Variants in MYBPC3 observed in about 807,000 individuals in gnomAD.
The protein encoded by MYBPC3 is myosin binding protein C3, also known as myosin-binding protein C, cardiac-type.
Under a neutral mutation model 159.3 loss-of-function variants are expected in MYBPC3, and 108 were observed. The observed-to-expected ratio is 0.68, with a 90% CI of 0.58 to 0.80. The LOEUF (loss-of-function observed/expected upper bound fraction) is 0.80, where lower values mean the gene tolerates loss of function less well. Among genes scored for constraint, MYBPC3 ranks in the 30% least tolerant of loss-of-function variants. The pLI is 0.00. For synonymous variants in MYBPC3, 730 were observed against 702.0 expected (o/e 1.04, Z -0.63); for missense variants, 1,631 against 1,762.1 (o/e 0.93, Z 1.33).
chr11:47,343,450 C>A (rs1298113012), intron 13 of MYBPC3, 42 bp downstream of exon 13: 1 of 1,546,586 alleles, frequency 6.5e-7, no homozygotes, highest in Non-Finnish European at 8.7e-7. Context: ...CTATGGGGGT[C>A]CCCACCTCCA....
chr11:47,336,861 C>G (rs946889696), intron 25 of MYBPC3, among the ~76,000 whole-genome samples: 1 of 152,224 alleles, frequency 6.6e-6, no homozygotes, highest in Non-Finnish European at 1.5e-5. Context: ...GTTGGCCCCC[C>G]GGGGACCATG....
chr11:47,345,993 T>C (rs904801898), intron 12 of MYBPC3, among the ~76,000 whole-genome samples: 6 of 152,148 alleles, frequency 3.9e-5, no homozygotes, highest in Non-Finnish European at 8.8e-5. Context: ...TCTTGGCTTT[T>C]TCTACACAAG....
intron 2 of MYBPC3, among the ~76,000 whole-genome samples, chr11:47,350,915 A>T (rs1437863702): frequency 6.6e-6 from 1 of 151,302 alleles, no homozygotes; most frequent in Non-Finnish European, 1.5e-5. Flanking sequence ...ACTGGGCTGC[A>T]CTCCCCTCAT....
Position 47,333,543 on chromosome 11 carries a change from C to T in MYBPC3, c.3190+14G>A, listed in dbSNP as rs2095879353. The T allele has an allele frequency of 1.9e-6, 3 of 1,599,476 alleles. No homozygotes were observed. The highest frequency in any genetic ancestry group is 1.7e-5 in the Admixed American group (1 of 59,970). Reference sequence around the variant, plus strand: ...AGGGAAACAAGGGGGCTCAAGGAGGCCTTGGCCACGCACCAACAACCTGCA... The same window carrying T: ...AGGGAAACAAGGGGGCTCAAGGAGGTCTTGGCCACGCACCAACAACCTGCA... On this transcript the variant is annotated intron_variant, in intron 29 of 34. Transcript: ENST00000545968.
Position 47,343,663 on chromosome 11 carries a change from G to A in MYBPC3, c.1091-39C>T, listed in dbSNP as rs11570075. ...CTCAGCCCCGGCCACCCCACCGCCC[G>A]CACCCTGCTCCCCCAGGCCAAGCTA... is the stretch of plus-strand genomic sequence containing the variant. On this transcript the variant is annotated intron_variant, in intron 12 of 34. Coordinates refer to ENST00000545968, the MANE Select transcript of MYBPC3 (RefSeq NM_000256.3). The A allele has an allele frequency of 0.039, 54,659 of 1,412,834 alleles. 1,142 individuals carry two copies. The highest frequency in any genetic ancestry group is 0.045 in the Non-Finnish European group (48,645 of 1,075,812). 87.5% of individuals were successfully genotyped at this position (1,412,834 alleles called of 1,614,324 possible).
chr11:47,351,466 G>T lies in MYBPC3; in HGVS notation c.65C>A (p.Ala22Asp). Reference sequence around the variant, plus strand: ...CTCGAACACGGCAGGGCTGCCTGCGGCCACTTCCACTGACCGTGGCTTCTT... The same window carrying T: ...CTCGAACACGGCAGGGCTGCCTGCGTCCACTTCCACTGACCGTGGCTTCTT... ...FSKKPRSVEVAAGSPAVFEAE... is the reference protein window; with the variant it reads ...FSKKPRSVEVDAGSPAVFEAE... Residue 22 changes from alanine to aspartate, a missense_variant, in exon 2 of 35, where the codon GCC becomes GAC. Physicochemically the swap from Ala to Asp is moderately radical, Grantham distance 126. Transcript: ENST00000545968. The surrounding 1 kb of genome is among the most constrained non-coding windows in gnomAD (Gnocchi z 4.2). 1 of 1,597,908 alleles carries T rather than the reference G, an allele frequency of 6.3e-7. No individual in the cohort carries two copies.
rs1228101192 is a variant in MYBPC3 at position 47,332,797 on chromosome 11, G to A, written c.3490+17C>T. 18 of 1,598,706 alleles carry A rather than the reference G, an allele frequency of 1.1e-5. No homozygotes were observed. Among genetic ancestry groups the A allele is most frequent in the Non-Finnish European group, 1.5e-5 (18 of 1,172,108 alleles). On this transcript the variant is annotated intron_variant, in intron 31 of 34. Transcript: ENST00000545968. This position sits in a 1 kb window ranked among gnomAD's most constrained non-coding sequence, Gnocchi z 4.2. The stretch of plus-strand genomic sequence containing the variant: ...TCCCTGCCCCAGCCCCTGGTTGGAA[G>A]AATGAGGGTACAGCACCTGGTCTGG...
chr11:47,339,733 A>G lies in MYBPC3; in HGVS notation c.1985T>C (p.Val662Ala), dbSNP rs772970643. Residue 662 changes from valine to alanine, a missense_variant, in exon 21 of 35, where the codon GTA (valine) becomes GCA (alanine). Transcript: ENST00000545968. The stretch of plus-strand genomic sequence containing the variant: ...GTCCAGACGTAGCTTATTTCCAGCT[A>G]CAACCACAATGGTGTCTGGTATGCG... The part of the protein sequence containing the change: ...PGRIPDTIVV[V>A]AGNKLRLDVP... The G allele has an allele frequency of 3.1e-6, 5 of 1,613,822 alleles. No individual in the cohort carries two copies. The highest frequency in any genetic ancestry group is 4.2e-6 in the Non-Finnish European group (5 of 1,179,838).
intron 12 of MYBPC3, among the ~76,000 whole-genome samples, chr11:47,344,367 C>T (rs550082122): frequency 6.6e-4 from 100 of 152,318 alleles, no homozygotes; most frequent in African/African-American, 2.3e-3. Flanking sequence ...GCGGTGGTCC[C>T]CATGCTGCTG....
At position 47,342,890 on chromosome 11, in the gene MYBPC3, A is replaced by T. The variant is rs397515899; in HGVS notation, c.1397T>A (p.Met466Lys). 1.4e-5 allele frequency: 23 copies of T among 1,612,692 alleles called. No homozygotes were observed. The highest frequency in any genetic ancestry group is 1.9e-5 in the Non-Finnish European group (22 of 1,179,398). The change falls in exon 16 of 35, where the codon ATG becomes AAG. Residue 466 changes from methionine (M) to lysine (K), a missense_variant. Met to Lys is a moderately conservative substitution (Grantham distance 95). Transcript: ENST00000545968. ...ITRPLEDQLV[M>K]VGQRVEFECE... Reference sequence around the variant, plus strand: ...CTCAAACTCCACCCGCTGCCCCACCATCACCAGCTGGTCCTCCAAGGGGCG... The same window carrying T: ...CTCAAACTCCACCCGCTGCCCCACCTTCACCAGCTGGTCCTCCAAGGGGCG...
chr11:47,346,216 T>A lies in MYBPC3; in HGVS notation c.1081A>T (p.Lys361Ter). ...CTGAGGAAGGGCTAACCTGTGCTCT[T>A]CTTCTCATCGCGCCTCATGCCCTTG... ...RLKGMRRDEK[K>*]STAFQKKLEP... Residue 361 changes from lysine (K) to a stop codon, truncating the protein, a stop_gained, in exon 12 of 35, where the codon AAG becomes TAG. Coordinates refer to ENST00000545968, the MANE Select transcript of MYBPC3 (RefSeq NM_000256.3). LOFTEE classifies it high-confidence loss of function. This position sits in a 1 kb window ranked among gnomAD's most constrained non-coding sequence, Gnocchi z 5.3. 1 of 1,613,882 alleles carries A rather than the reference T, an allele frequency of 6.2e-7. No individual in the cohort carries two copies.
Position 47,346,769 on chromosome 11 carries a change from C to A in MYBPC3, c.909-125G>T. ...CTCCCTATTTTCCGCACTTGCACTCCCTGTGTTGTGGGGCACCCATGCTGC... is the reference window on the plus strand; with the variant it reads ...CTCCCTATTTTCCGCACTTGCACTCACTGTGTTGTGGGGCACCCATGCTGC... On this transcript the variant is annotated intron_variant, in intron 10 of 34. Coordinates refer to ENST00000545968, the MANE Select transcript of MYBPC3 (RefSeq NM_000256.3). This position sits in a 1 kb window ranked among gnomAD's most constrained non-coding sequence, Gnocchi z 5.3. 9.2e-7 allele frequency: 1 copy of A among 1,089,012 alleles called. No homozygotes were observed. Among genetic ancestry groups the A allele is most frequent in the South Asian group, 1.6e-5 (1 of 63,832 alleles). The allele number at this position is 1,089,012 out of a possible 1,614,324, so 67.5% of individuals were successfully genotyped here. A position where few individuals can be genotyped will look rare whatever the true frequency, so the allele number is the denominator to read the frequency against.
At chr11:47,343,236 C>A (rs766316450) in intron 14 of MYBPC3, 24 bp downstream of exon 14, 1 of 1,572,698 alleles carries the variant, frequency 6.4e-7, no homozygotes, top group Non-Finnish European at 8.6e-7. Flanking sequence ...CCCCCCACCC[C>A]AAGCCATCCA....
chr11:47,340,270 G>C (rs1163770954), intron 20 of MYBPC3, among the ~76,000 whole-genome samples: 2 of 149,376 alleles, frequency 1.3e-5, no homozygotes, highest in African/African-American at 2.5e-5. Context: ...TACACACACA[G>C]ACACATGCAC....
rs942669152 is a variant in MYBPC3 at position 47,337,798 on chromosome 11, G to A, written c.2309-4C>T. The A allele has an allele frequency of 3.2e-6, 5 of 1,550,026 alleles. No homozygotes were observed. In the African/African-American group the frequency reaches 6.8e-5, roughly 21 times the overall value. Reference sequence around the variant, plus strand: ...GCCGCAGGTGCGTCTGGCACGTCTGGATGGGGTGGGATGGACCCACATCAG... The same window carrying A: ...GCCGCAGGTGCGTCTGGCACGTCTGAATGGGGTGGGATGGACCCACATCAG... On this transcript the variant is annotated splice_region_variant and splice_polypyrimidine_tract_variant and intron_variant, in intron 23 of 34. Transcript: ENST00000545968.
Position 47,347,688 on chromosome 11 carries a change from G to T in MYBPC3, c.822-8C>A. 6.4e-7 allele frequency: 1 copy of T among 1,570,336 alleles called. No individual in the cohort carries two copies. Among genetic ancestry groups the T allele is most frequent in the Non-Finnish European group, 8.6e-7 (1 of 1,157,908 alleles). ...CCACCTCCAGCCAGGCTCCTGTGGG[G>T]GTTAGACTCAGTATCCTCACCTGCC... On this transcript the variant is annotated splice_polypyrimidine_tract_variant and splice_region_variant and intron_variant, in intron 7 of 34. Transcript: ENST00000545968.
At chr11:47,335,249 C>A (rs1328511927) in intron 26 of MYBPC3, 40 bp from the exon 27 acceptor site, 2 of 1,484,926 alleles carry the variant, frequency 1.3e-6, no homozygotes, top group South Asian at 1.3e-5. Flanking sequence ...CAGGCTGTGT[C>A]ACCACTGACA....
rs1186618936 is a variant in MYBPC3, at chr11:47,351,284, C to T, written c.247G>A (p.Ala83Thr). Residue 83 changes from alanine (A) to threonine (T), a missense_variant, in exon 2 of 35, where the codon GCT (alanine) becomes ACT (threonine). By Grantham distance (58) the Ala-to-Thr change is moderately conservative. Coordinates refer to ENST00000545968, the MANE Select transcript of MYBPC3 (RefSeq NM_000256.3). This position sits in a 1 kb window ranked among gnomAD's most constrained non-coding sequence, Gnocchi z 4.2. ...PADQGSYAVI[A>T]GSSKVKFDLK... ...TCGAACTTGACCTTGGAGGAGCCAG[C>T]AATGACTGCGTAAGATCCCTGGTCG... 6.4e-7 allele frequency: 1 copy of T among 1,562,720 alleles called. No individual in the cohort carries two copies. The highest frequency in any genetic ancestry group is 8.7e-7 in the Non-Finnish European group (1 of 1,151,134).
rs1011835468 is a variant in MYBPC3 at position 47,337,913 on chromosome 11, C to A, written c.2309-119G>T. ...AGGCTGCCCCCACCACCCCCAGATCCAAAGAGATCTTTCTAGAATGCATTT... is the reference window on the plus strand; with the variant it reads ...AGGCTGCCCCCACCACCCCCAGATCAAAAGAGATCTTTCTAGAATGCATTT... On this transcript the variant is annotated intron_variant, in intron 23 of 34. Transcript: ENST00000545968. The A allele has an allele frequency of 4.2e-6, 3 of 706,662 alleles. No individual in the cohort carries two copies. The Admixed American group carries it at 8.5e-5, about 20-fold the overall frequency. 43.8% of individuals were successfully genotyped at this position (706,662 alleles called of 1,614,324 possible).
Sources: allele counts gnomAD v4.1 joint callset (sites outside exome capture counted in the v4.1 genomes callset), GRCh38; gene constraint gnomAD v4.1.1; non-coding constraint Gnocchi (gnomAD v3.1); transcripts MANE v1.5; gene names NCBI Gene and HGNC (gene_info 2026-07-23, HGNC 2026-07-21).